Variants in WNT7A observed in about 807,000 individuals in gnomAD.
WNT7A encodes the protein Wnt family member 7A.
WNT7A carries 16 observed loss-of-function variants against 28.2 expected under a neutral mutation model. The observed-to-expected ratio is 0.57, with a 90% CI of 0.38 to 0.86. WNT7A has a LOEUF of 0.86. Among genes scored for constraint, WNT7A ranks in the 40% least tolerant of loss-of-function variants. WNT7A has a pLI of 0.00. For missense variants in WNT7A, 411 were observed against 489.7 expected (o/e 0.84, Z 1.52); for synonymous variants, 190 against 195.9 (o/e 0.97, Z 0.25).
At chr3:13,869,008 AAGAG>A (rs368862003) in intron 2 of WNT7A, among the ~76,000 whole-genome samples, 34 of 139,042 alleles carry the variant, frequency 2.4e-4, no homozygotes, top group African/African-American at 8.0e-4. Flanking sequence ...GAGAGAAAGA[AAGAG>A]AGAGAGAAAG....
chr3:13,864,364 G>A lies in WNT7A; in HGVS notation c.299-9561C>T, dbSNP rs375127250. 4.6e-5 allele frequency among the ~76,000 whole-genome samples: 7 copies of A among 152,140 alleles called. No individual in the cohort carries two copies. In the East Asian group the frequency reaches 1.2e-3, roughly 25 times the overall value. On this transcript the variant is annotated intron_variant, in intron 2 of 3. Coordinates refer to ENST00000285018, the MANE Select transcript of WNT7A (RefSeq NM_004625.4). ...TTCTACCCTCCCTACGCTACGCCCTGCAGTCCCTCGTGCCAAGCCACTCTG... is the reference window on the plus strand; with the variant it reads ...TTCTACCCTCCCTACGCTACGCCCTACAGTCCCTCGTGCCAAGCCACTCTG...
chr3:13,875,578 A>G (rs1695098668), intron 1 of WNT7A, among the ~76,000 whole-genome samples: 1 of 152,214 alleles, frequency 6.6e-6, no homozygotes, highest in Admixed American at 6.5e-5. Context: ...TGTAAAGGCA[A>G]GCAAGGAAAT....
intron 3 of WNT7A, among the ~76,000 whole-genome samples, chr3:13,842,067 G>A (rs1017488477): frequency 6.7e-6 from 1 of 149,930 alleles, no homozygotes; most frequent in African/African-American, 2.4e-5. Context: ...AGAGCGAAGG[G>A]GAAGGAGACA....
intron 3 of WNT7A, among the ~76,000 whole-genome samples, chr3:13,819,681 C>T (rs930033000): frequency 1.3e-5 from 2 of 152,182 alleles, no homozygotes; most frequent in Non-Finnish European, 2.9e-5. Context: ...CCTAACTGTA[C>T]TCATACAATG....
rs1694748999 is a variant in WNT7A at position 13,856,939 on chromosome 3, A to AAGGAGAAGAAGAAGAAGAAGG, written c.299-2137_299-2136insCCTTCTTCTTCTTCTTCTCCT. 2.7e-5 allele frequency among the ~76,000 whole-genome samples: 3 copies of AAGGAGAAGAAGAAGAAGAAGG among 110,538 alleles called. No homozygotes were observed. In the East Asian group the frequency reaches 1.4e-3, roughly 50 times the overall value. 72.5% of individuals were successfully genotyped at this position (110,538 alleles called of 152,430 possible). On this transcript the variant is annotated intron_variant, in intron 2 of 3. Coordinates refer to ENST00000285018, the MANE Select transcript of WNT7A (RefSeq NM_004625.4). ...GAAGAAGAAGAAGAAGAAGAAGAAG[A>AAGGAGAAGAAGAAGAAGAAGG]AGAAGAAGAAGAAGAAGAAGAAGAA...
At chr3:13,853,548 G>T (rs1398216508) in intron 3 of WNT7A, among the ~76,000 whole-genome samples, 6 of 152,062 alleles carry the variant, frequency 3.9e-5, no homozygotes. Context: ...TCCTTTCCCT[G>T]CCTAGCCAAA....
intron 3 of WNT7A, among the ~76,000 whole-genome samples, chr3:13,840,465 G>A (rs913314282): frequency 6.6e-6 from 1 of 152,208 alleles, no homozygotes; most frequent in African/African-American, 2.4e-5. Context: ...ATGAATGAAC[G>A]AATGCATGGA....
chr3:13,820,286 T>C (rs777196731), intron 3 of WNT7A, among the ~76,000 whole-genome samples: 1 of 152,104 alleles, frequency 6.6e-6, no homozygotes, highest in Non-Finnish European at 1.5e-5. Context: ...AAAGAATGAA[T>C]GGAGGAAGGG....
At chr3:13,854,826 G>T in intron 2 of WNT7A, 23 bp from the exon 3 acceptor site, 2 of 1,610,388 alleles carry the variant, frequency 1.2e-6, no homozygotes, top group Non-Finnish European at 8.5e-7. Flanking sequence ...GAGAAGAGGA[G>T]ACAAGTTGGG....
At chr3:13,874,508 G>A (rs1349408345) in intron 2 of WNT7A, among the ~76,000 whole-genome samples, 1 of 152,118 alleles carries the variant, frequency 6.6e-6, no homozygotes, top group Non-Finnish European at 1.5e-5. Context: ...TGAATGGGTT[G>A]CCCATTCACT....
In WNT7A at chr3:13,867,465, T is replaced by A. The variant is rs146828821; in HGVS notation, c.298+7482A>T. 4.9e-3 allele frequency among the ~76,000 whole-genome samples: 741 copies of A among 152,282 alleles called. 6 individuals carry two copies. The highest frequency in any genetic ancestry group is 6.1e-3 in the Non-Finnish European group (414 of 68,022). Reference sequence around the variant, plus strand: ...AACAGCCACATGATCTTGGTCAGCCTCTGCCTGACTCTAAGCCTGTCTCCC... The same window carrying A: ...AACAGCCACATGATCTTGGTCAGCCACTGCCTGACTCTAAGCCTGTCTCCC... On this transcript the variant is annotated intron_variant, in intron 2 of 3. Transcript: ENST00000285018.
intron 3 of WNT7A, among the ~76,000 whole-genome samples, chr3:13,841,776 T>A (rs958872390): frequency 1.3e-5 from 2 of 152,148 alleles, no homozygotes; most frequent in Non-Finnish European, 1.5e-5. Flanking sequence ...CTTGGCAAAG[T>A]ACCAATATTA....
At chr3:13,870,466 G>C (rs1226209854) in intron 2 of WNT7A, among the ~76,000 whole-genome samples, 1 of 152,184 alleles carries the variant, frequency 6.6e-6, no homozygotes, top group Non-Finnish European at 1.5e-5. Context: ...TGCTGTTTAA[G>C]CTACCTGGTC....
intron 3 of WNT7A, among the ~76,000 whole-genome samples, chr3:13,834,037 C>A (rs1182952980): frequency 1.3e-5 from 2 of 152,182 alleles, no homozygotes; most frequent in African/African-American, 4.8e-5. Flanking sequence ...CCAGCTTCCA[C>A]CAATGGTGGC....
chr3:13,845,327 C>T (rs539303041), intron 3 of WNT7A, among the ~76,000 whole-genome samples: 3 of 152,342 alleles, frequency 2.0e-5, no homozygotes, highest in Admixed American at 2.0e-4. Context: ...AACAGACCTT[C>T]CTGCCACCAC....
intron 1 of WNT7A, 74 bp downstream of exon 1, chr3:13,879,672 G>A: frequency 6.5e-7 from 1 of 1,529,850 alleles, no homozygotes; most frequent in Non-Finnish European, 8.9e-7. Flanking sequence ...GAGGCTCGCA[G>A]GCGGCACACC....
rs563066038 is a variant in WNT7A at position 13,831,884 on chromosome 3, C to T, written c.571-12461G>A. Among the ~76,000 whole-genome samples the T allele has an allele frequency of 1.8e-3, 274 of 152,262 alleles. 1 individual carries two copies. The highest frequency in any genetic ancestry group is 7.1e-4 in the Non-Finnish European group (48 of 68,006). On this transcript the variant is annotated intron_variant, in intron 3 of 3. Coordinates refer to ENST00000285018, the MANE Select transcript of WNT7A (RefSeq NM_004625.4). ...TTATAGGTGTATCTCCCCAGAGTCC[C>T]GCCCAGGACCTGTCCTGCTTGCAAA...
chr3:13,834,203 G>T (rs146773348), intron 3 of WNT7A, among the ~76,000 whole-genome samples: 202 of 151,868 alleles, frequency 1.3e-3, no homozygotes, highest in Non-Finnish European at 1.5e-3. Flanking sequence ...TTTGCTCAGG[G>T]TGATAATGGC....
chr3:13,839,559 A>G lies in WNT7A; in HGVS notation c.570+14973T>C, dbSNP rs889623721. Among the ~76,000 whole-genome samples, 83 of 152,356 alleles carry G rather than the reference A, an allele frequency of 5.4e-4. 3 individuals are homozygous for G. The highest frequency in any genetic ancestry group is 5.4e-3 in the Admixed American group (82 of 15,308). Reference sequence around the variant, plus strand: ...GCTCTCTGGCTTAGCAATGAACGCTATCAGGGAATACACCAGGAGCTGGTC... The same window carrying G: ...GCTCTCTGGCTTAGCAATGAACGCTGTCAGGGAATACACCAGGAGCTGGTC... On this transcript the variant is annotated intron_variant, in intron 3 of 3. Coordinates refer to ENST00000285018, the MANE Select transcript of WNT7A (RefSeq NM_004625.4).
Sources: allele counts gnomAD v4.1 joint callset (sites outside exome capture counted in the v4.1 genomes callset), GRCh38; gene constraint gnomAD v4.1.1; transcripts MANE v1.5; gene names NCBI Gene and HGNC (gene_info 2026-07-23, HGNC 2026-07-21).